SCARA3: variants seen among roughly 807,000 people sequenced by gnomAD.
The protein encoded by SCARA3 is scavenger receptor class A member 3, also known as cellular stress response gene protein.
In SCARA3, 39 loss-of-function variants were observed where a neutral mutation model predicts 47.0. The observed-to-expected ratio is 0.83, with a 90% CI of 0.64 to 1.08. The LOEUF (loss-of-function observed/expected upper bound fraction) is 1.08. Ranked by LOEUF, SCARA3 falls within the 50% of genes least tolerant of loss-of-function variation. SCARA3 has a pLI of 0.00. For synonymous variants in SCARA3, 356 were observed against 334.1 expected (o/e 1.07, Z -0.71); for missense variants, 724 against 792.3 (o/e 0.91, Z 1.04).
chr8:27,648,991 A>G (rs1801572190), intron 1 of SCARA3, among the ~76,000 whole-genome samples: 1 of 152,116 alleles, frequency 6.6e-6, no homozygotes, highest in African/African-American at 2.4e-5. Context: ...GAGAAAGGGA[A>G]GAAAAGGCCA....
chr8:27,708,139 C>T, the SCARA3 span, among the ~76,000 whole-genome samples: 3 of 152,124 alleles, frequency 2.0e-5, no homozygotes, highest in African/African-American at 7.2e-5. Flanking sequence ...CCCTTTGCAG[C>T]AGACCTAAGG....
the SCARA3 span, among the ~76,000 whole-genome samples, chr8:27,705,700 C>A: frequency 6.6e-6 from 1 of 152,222 alleles, no homozygotes; most frequent in Non-Finnish European, 1.5e-5. Flanking sequence ...AAACTATTGT[C>A]CCTATTGTCC....
chr8:27,691,997 C>T, the SCARA3 span, among the ~76,000 whole-genome samples: 3 of 152,132 alleles, frequency 2.0e-5, no homozygotes, highest in Non-Finnish European at 4.4e-5. Context: ...CCCCTCCTCT[C>T]AGCCAAGGGC....
At chr8:27,703,853 T>A in the SCARA3 span, 1 of 138,588 alleles carries the variant, frequency 7.2e-6, no homozygotes, top group African/African-American at 2.9e-5. Context: ...ACTTTTTTTT[T>A]TTTTTTTTTT....
chr8:27,705,956 A>G, the SCARA3 span, among the ~76,000 whole-genome samples: 4 of 152,172 alleles, frequency 2.6e-5, no homozygotes, highest in Non-Finnish European at 5.9e-5. Context: ...GCACGGCTTC[A>G]TGAAAAAGAA....
chr8:27,675,619 G>A (rs1446991858), downstream of SCARA3, among the ~76,000 whole-genome samples: 3 of 152,070 alleles, frequency 2.0e-5, no homozygotes, highest in East Asian at 1.9e-4. Context: ...GTGAAACCCC[G>A]TCTCTACTGA....
chr8:27,656,929 C>A, intron 4 of SCARA3, 49 bp downstream of exon 4: 1 of 1,218,762 alleles, frequency 8.2e-7, no homozygotes, highest in African/African-American at 1.5e-5. Flanking sequence ...CAGGGTGGGG[C>A]AGGGGTGCCC....
At chr8:27,729,309 C>T in the SCARA3 span, among the ~76,000 whole-genome samples, 1 of 152,192 alleles carries the variant, frequency 6.6e-6, no homozygotes, top group Non-Finnish European at 1.5e-5. Flanking sequence ...AAAGGAAGAG[C>T]TATGTGCTCT....
the SCARA3 span, among the ~76,000 whole-genome samples, chr8:27,709,842 A>C: frequency 6.6e-6 from 1 of 151,980 alleles, no homozygotes; most frequent in East Asian, 1.9e-4. Flanking sequence ...CTCCCTCCAG[A>C]TCACCCTCCC....
chr8:27,718,049 G>A, the SCARA3 span, among the ~76,000 whole-genome samples: 134 of 152,302 alleles, frequency 8.8e-4, no homozygotes, highest in Non-Finnish European at 1.5e-3. Flanking sequence ...GTCCGCACAC[G>A]CATGGCCTTA....
the SCARA3 span, among the ~76,000 whole-genome samples, chr8:27,686,702 G>T: frequency 6.6e-6 from 1 of 152,160 alleles, no homozygotes; most frequent in African/African-American, 2.4e-5. Context: ...ACCCAGCTCA[G>T]ATGCTGCCTA....
the SCARA3 span, among the ~76,000 whole-genome samples, chr8:27,699,306 A>G: frequency 6.7e-6 from 1 of 149,370 alleles, no homozygotes; most frequent in African/African-American, 2.5e-5. Context: ...TATCCTACAC[A>G]CTTCCAATCA....
chr8:27,648,517 T>A (rs1415132859), intron 1 of SCARA3, among the ~76,000 whole-genome samples: 2 of 151,766 alleles, frequency 1.3e-5, no homozygotes, highest in East Asian at 3.9e-4. Flanking sequence ...GGCAGGAGAA[T>A]GGCGTGAACC....
At chr8:27,646,616 C>T (rs565128233) in intron 1 of SCARA3, among the ~76,000 whole-genome samples, 12 of 152,282 alleles carry the variant, frequency 7.9e-5, no homozygotes, top group East Asian at 5.8e-4. Context: ...TACCTCCCCA[C>T]GGTAGCCCCG....
At chr8:27,653,622 GGATAGAC>G (rs1801681735) in intron 3 of SCARA3, among the ~76,000 whole-genome samples, 1 of 148,748 alleles carries the variant, frequency 6.7e-6, no homozygotes, top group Admixed American at 6.7e-5. Context: ...GTGAGTCTGT[GGATAGAC>G]TGGTCAATGC....
intron 1 of SCARA3, among the ~76,000 whole-genome samples, chr8:27,642,909 C>CG (rs35926937): frequency 6.6e-6 from 1 of 151,918 alleles, no homozygotes; most frequent in East Asian, 1.9e-4. Flanking sequence ...TCAGGGGAGT[C>CG]GGGGGGGTTG....
chr8:27,674,768 C>T (rs1209534499), downstream of SCARA3, among the ~76,000 whole-genome samples: 1 of 124,570 alleles, frequency 8.0e-6, no homozygotes, highest in Non-Finnish European at 1.6e-5. Context: ...CTTGCTCTGT[C>T]ACCAGGCTGG....
intron 2 of SCARA3, 81 bp downstream of exon 2, chr8:27,649,881 G>C (rs911815903): frequency 8.0e-7 from 1 of 1,255,016 alleles, no homozygotes; most frequent in Non-Finnish European, 1.1e-6. Context: ...TGAGAGATTT[G>C]TCTCTTTAGG....
the SCARA3 span, among the ~76,000 whole-genome samples, chr8:27,725,327 G>T: frequency 6.6e-6 from 1 of 151,534 alleles, no homozygotes; most frequent in Non-Finnish European, 1.5e-5. Context: ...GAGGAAGGAT[G>T]GGTGAGTACT....
Sources: allele counts gnomAD v4.1 joint callset (sites outside exome capture counted in the v4.1 genomes callset), GRCh38; gene constraint gnomAD v4.1.1; transcripts MANE v1.5; gene names NCBI Gene and HGNC (gene_info 2026-07-23, HGNC 2026-07-21).